TLN2: variants seen among roughly 807,000 people sequenced by gnomAD.
TLN2 encodes the protein talin 2.
In TLN2, 118 loss-of-function variants were observed where a neutral mutation model predicts 294.7. That is an observed-to-expected ratio of 0.40 (90% CI 0.34 to 0.47). The LOEUF (loss-of-function observed/expected upper bound fraction) is 0.47. Ranked by LOEUF, TLN2 falls within the 20% of genes least tolerant of loss-of-function variation. The probability of loss-of-function intolerance (pLI) is 0.84; values close to 1 mark genes in which losing one functional copy is unlikely to be tolerated. For missense variants in TLN2, 3,083 were observed against 3,282.2 expected, an observed-to-expected ratio of 0.94 and a Z score of 1.48; for synonymous variants, 1,431 against 1,304.5, an observed-to-expected ratio of 1.10 and a Z score of -2.09.
At chr15:62,798,115 G>A (rs1200213771) in intron 48 of TLN2, among the ~76,000 whole-genome samples, 1 of 152,152 alleles carries the variant, frequency 6.6e-6, no homozygotes, top group Non-Finnish European at 1.5e-5. Context: ...GGTAACCATC[G>A]AGTGCCATCG....
At chr15:62,534,615 A>G (rs2041233683) in intron 1 of TLN2, among the ~76,000 whole-genome samples, 1 of 152,066 alleles carries the variant, frequency 6.6e-6, no homozygotes, top group South Asian at 2.1e-4. Flanking sequence ...TGGTTAAATC[A>G]TTTGCCATTG....
At chr15:62,390,977 C>G (rs537936007) in intron 1 of TLN2, among the ~76,000 whole-genome samples, 1 of 152,248 alleles carries the variant, frequency 6.6e-6, no homozygotes, top group Non-Finnish European at 1.5e-5. Flanking sequence ...TGCAAACAGC[C>G]TCGCAGTCGG....
intron 3 of TLN2, among the ~76,000 whole-genome samples, chr15:62,631,277 T>TG (rs1296093648): frequency 6.6e-6 from 1 of 152,098 alleles, no homozygotes; most frequent in Non-Finnish European, 1.5e-5. Context: ...ACTGTTGTAT[T>TG]GGGGATTAAG....
At chr15:62,736,852 G>C (rs1225614662) in intron 28 of TLN2, 26 bp from the exon 29 acceptor site, 2 of 1,609,070 alleles carry the variant, frequency 1.2e-6, no homozygotes, top group Non-Finnish European at 1.7e-6. Flanking sequence ...AGTCTAATTG[G>C]AAATCTGATG....
At chr15:62,442,492 CAG>C (rs771075280) in intron 1 of TLN2, among the ~76,000 whole-genome samples, 1,038 of 65,506 alleles carry the variant, frequency 0.016, 67 homozygotes, top group South Asian at 0.13. Context: ...GACTCTGTCT[CAG>C]AAAAAAAAAA....
At chr15:62,748,554 T>A in intron 33 of TLN2, 110 bp downstream of exon 33, 4 of 893,714 alleles carry the variant, frequency 4.5e-6, no homozygotes, top group Non-Finnish European at 7.1e-6. Context: ...ATAGGGCTAG[T>A]TTTCTCTTCT....
intron 1 of TLN2, among the ~76,000 whole-genome samples, chr15:62,527,429 C>A (rs2140487285): frequency 6.6e-6 from 1 of 152,250 alleles, no homozygotes; most frequent in East Asian, 1.9e-4. Flanking sequence ...AGGAAAAGCC[C>A]ACCTGGTTTA....
At chr15:62,418,127 A>G (rs545073153) in intron 1 of TLN2, among the ~76,000 whole-genome samples, 6 of 152,304 alleles carry the variant, frequency 3.9e-5, no homozygotes, top group East Asian at 1.9e-4. Flanking sequence ...TCCACTTAAT[A>G]TGTGACCTAC....
intron 26 of TLN2, among the ~76,000 whole-genome samples, chr15:62,723,791 C>G (rs2060284902): frequency 6.7e-6 from 1 of 150,368 alleles, no homozygotes; most frequent in Admixed American, 6.7e-5. Flanking sequence ...CTCAAGTAAT[C>G]CTCCCACTTG....
At chr15:62,616,298 T>A (rs895165986) in intron 2 of TLN2, among the ~76,000 whole-genome samples, 2 of 152,242 alleles carry the variant, frequency 1.3e-5, no homozygotes, top group African/African-American at 4.8e-5. Flanking sequence ...TCTTATGTCA[T>A]GTCTGTTTTA....
chr15:62,648,534 T>C (rs934050488), intron 4 of TLN2, among the ~76,000 whole-genome samples: 8 of 146,576 alleles, frequency 5.5e-5, no homozygotes, highest in Middle Eastern at 3.5e-3. Flanking sequence ...AACGTGATGA[T>C]GATGATGACG....
chr15:62,797,419 G>C lies in TLN2; in HGVS notation c.6234+17G>C. The C allele has an allele frequency of 1.3e-6, 2 of 1,577,500 alleles. No homozygotes were observed. Among genetic ancestry groups the C allele is most frequent in the Non-Finnish European group, 1.7e-6 (2 of 1,167,180 alleles). On this transcript the variant is annotated intron_variant, in intron 48 of 58. Transcript: ENST00000636159. Reference sequence around the variant, plus strand: ...GAGACCCAGGTACCAGCAGGGCCTGGGGAGTGCGTCCTCCCGGTCTTCCCG... The same window carrying C: ...GAGACCCAGGTACCAGCAGGGCCTGCGGAGTGCGTCCTCCCGGTCTTCCCG...
intron 1 of TLN2, among the ~76,000 whole-genome samples, chr15:62,493,807 C>T (rs1180733366): frequency 1.3e-5 from 2 of 152,116 alleles, no homozygotes; most frequent in East Asian, 1.9e-4. Context: ...GACACGGTTT[C>T]ACCATGTTTG....
intron 5 of TLN2, among the ~76,000 whole-genome samples, chr15:62,651,036 A>G (rs1167960307): frequency 2.6e-5 from 4 of 152,218 alleles, no homozygotes; most frequent in Admixed American, 6.5e-5. Context: ...CTAAGATATA[A>G]GGTAAAATGT....
intron 31 of TLN2, 178 bp from the exon 32 acceptor site, chr15:62,740,452 G>T: frequency 1.4e-6 from 1 of 712,900 alleles, no homozygotes; most frequent in Non-Finnish European, 2.3e-6. Context: ...GCATCTGTTT[G>T]GAGAAGGGTA....
chr15:62,490,699 T>A (rs2038659232), intron 1 of TLN2, among the ~76,000 whole-genome samples: 1 of 152,216 alleles, frequency 6.6e-6, no homozygotes, highest in Non-Finnish European at 1.5e-5. Flanking sequence ...TGGAATTTTT[T>A]TGCATGAGGA....
At chr15:62,839,781 C>G (rs774160416) in intron 58 of TLN2, among the ~76,000 whole-genome samples, 1 of 152,188 alleles carries the variant, frequency 6.6e-6, no homozygotes, top group South Asian at 2.1e-4. Flanking sequence ...TTTCTCCATG[C>G]GCTAATTTCA....
intron 1 of TLN2, among the ~76,000 whole-genome samples, chr15:62,488,928 C>G (rs931484733): frequency 1.3e-5 from 2 of 152,098 alleles, no homozygotes; most frequent in African/African-American, 4.8e-5. Flanking sequence ...TTTGGGAGGC[C>G]GAGGTGGGTG....
chr15:62,747,637 T>C (rs183514878), intron 32 of TLN2, among the ~76,000 whole-genome samples: 23 of 152,330 alleles, frequency 1.5e-4, no homozygotes, highest in African/African-American at 5.5e-4. Flanking sequence ...ATGTATTAGC[T>C]TTCTTAGGAG....
Sources: gnomAD v4.1 joint callset for allele counts (sites outside exome capture counted in the v4.1 genomes callset) on GRCh38, gnomAD v4.1.1 for gene constraint, MANE v1.5 for transcripts, NCBI Gene and HGNC (gene_info 2026-07-23, HGNC 2026-07-21) for gene names.